DSCAML1: variants seen among roughly 807,000 people sequenced by gnomAD.
DSCAML1 encodes the protein DS cell adhesion molecule like 1.
Under a neutral mutation model 200.5 loss-of-function variants are expected in DSCAML1, and 38 were observed. The observed-to-expected ratio is 0.19, with a 90% CI of 0.15 to 0.25. The LOEUF (loss-of-function observed/expected upper bound fraction) is 0.25. DSCAML1 is among the 10% of genes least tolerant of loss of function. The probability of loss-of-function intolerance (pLI) is 1.00; values close to 1 mark genes in which losing one functional copy is unlikely to be tolerated. For missense variants in DSCAML1, 2,223 were observed against 2,858.8 expected (o/e 0.78, Z 5.07); for synonymous variants, 1,215 against 1,165.0 (o/e 1.04, Z -0.87).
rs2047950037 is a variant in DSCAML1 at position 117,437,753 on chromosome 11, C to CTGA, written c.4432+139_4432+141dup. 1 of 967,752 alleles carries CTGA rather than the reference C, an allele frequency of 1.0e-6. No individual in the cohort carries two copies. The highest frequency in any genetic ancestry group is 1.7e-5 in the South Asian group (1 of 57,370). 59.9% of individuals were successfully genotyped at this position (967,752 alleles called of 1,614,324 possible). A position where few individuals can be genotyped will look rare whatever the true frequency, so the allele number is the denominator to read the frequency against. On this transcript the variant is annotated intron_variant, in intron 25 of 32. Coordinates refer to ENST00000651296, the MANE Select transcript of DSCAML1 (RefSeq NM_020693.4). This position sits in a 1 kb window ranked among gnomAD's most constrained non-coding sequence, Gnocchi z 5.3. ...GGACACTGTGGTGACGGGAAGGAGGCTGAGGCTCCTCCCTTCAGTCTCCCT... is the reference window on the plus strand; with the variant it reads ...GGACACTGTGGTGACGGGAAGGAGGCTGATGAGGCTCCTCCCTTCAGTCTCCCT...
intron 11 of DSCAML1, among the ~76,000 whole-genome samples, chr11:117,493,561 A>G (rs1014964137): frequency 2.6e-5 from 4 of 151,840 alleles, no homozygotes; most frequent in Non-Finnish European, 4.4e-5. Flanking sequence ...TGATCTGCCC[A>G]CCTTGGCCTC....
At chr11:117,494,183 A>G (rs1032190953) in intron 11 of DSCAML1, among the ~76,000 whole-genome samples, 1 of 152,194 alleles carries the variant, frequency 6.6e-6, no homozygotes, top group Non-Finnish European at 1.5e-5. Flanking sequence ...GATCACTTGG[A>G]AGGTACTTCC....
intron 3 of DSCAML1, among the ~76,000 whole-genome samples, chr11:117,750,018 G>T (rs1165670159): frequency 1.3e-5 from 2 of 152,224 alleles, no homozygotes; most frequent in Non-Finnish European, 2.9e-5. Context: ...GTGATGAAAG[G>T]CACTGAGAAG....
intron 1 of DSCAML1, among the ~76,000 whole-genome samples, chr11:117,795,021 C>G (rs2055544589): frequency 6.6e-6 from 1 of 152,202 alleles, no homozygotes; most frequent in Admixed American, 6.5e-5. Context: ...GATTTTGCCC[C>G]TTGGCTGTCC....
chr11:117,510,344 CTG>C (rs1223888442), intron 8 of DSCAML1, among the ~76,000 whole-genome samples: 1 of 152,204 alleles, frequency 6.6e-6, no homozygotes, highest in Non-Finnish European at 1.5e-5. Flanking sequence ...ATTTAAGTGA[CTG>C]TGGGCAAGGC....
At chr11:117,474,947 G>A (rs2048760189) in intron 14 of DSCAML1, among the ~76,000 whole-genome samples, 1 of 151,828 alleles carries the variant, frequency 6.6e-6, no homozygotes, top group Admixed American at 6.6e-5. Flanking sequence ...AGTAGAGATG[G>A]GGTTTCACCG....
At chr11:117,578,145 G>C (rs2050980576) in intron 3 of DSCAML1, among the ~76,000 whole-genome samples, 1 of 142,758 alleles carries the variant, frequency 7.0e-6, no homozygotes, top group Non-Finnish European at 1.5e-5. Context: ...TGAGGCAGGA[G>C]AATTGCCTGA....
intron 3 of DSCAML1, among the ~76,000 whole-genome samples, chr11:117,587,260 C>A (rs965321967): frequency 6.6e-6 from 1 of 150,616 alleles, no homozygotes; most frequent in African/African-American, 2.4e-5. Context: ...CCAACCCCCC[C>A]CCACGATTTA....
Position 117,525,067 on chromosome 11 carries a change from G to A in DSCAML1, c.675C>T (p.Ile225=), listed in dbSNP as rs1565765347. ...RLSVTDPAES[I]PTILDGFHSQ... is the part of the protein sequence containing the mutation. ...AGTGGAAGCCATCCAGGATGGTGGG[G>A]ATCGACTCAGCAGGGTCTGGAAGGC... The change falls in exon 5 of 33, where the codon ATC becomes ATT. Residue 225 remains isoleucine (I), a synonymous_variant. Coordinates refer to ENST00000651296, the MANE Select transcript of DSCAML1 (RefSeq NM_020693.4). 6.4e-7 allele frequency: 1 copy of A among 1,570,520 alleles called. No homozygotes were observed. Among genetic ancestry groups the A allele is most frequent in the Non-Finnish European group, 8.6e-7 (1 of 1,161,166 alleles).
intron 20 of DSCAML1, among the ~76,000 whole-genome samples, chr11:117,448,437 C>T (rs1274255587): frequency 2.0e-5 from 3 of 152,146 alleles, no homozygotes; most frequent in African/African-American, 4.8e-5. Flanking sequence ...CCCCTGTCCT[C>T]GTGGGGGCCT....
Position 117,480,681 on chromosome 11 carries a change from C to A in DSCAML1, c.2657-110G>T. On this transcript the variant is annotated intron_variant, in intron 13 of 32. Coordinates refer to ENST00000651296, the MANE Select transcript of DSCAML1 (RefSeq NM_020693.4). This position sits in a 1 kb window ranked among gnomAD's most constrained non-coding sequence, Gnocchi z 4.1. The stretch of plus-strand genomic sequence containing the variant: ...CTGGGTCTAGCCAAGGACTCTGGCA[C>A]CCTAGGGTTTGAGCAGGGTGGGGGC... 2 of 1,338,738 alleles carry A rather than the reference C, an allele frequency of 1.5e-6. No homozygotes were observed. The highest frequency in any genetic ancestry group is 2.0e-6 in the Non-Finnish European group (2 of 978,500). 82.9% of individuals were successfully genotyped at this position (1,338,738 alleles called of 1,614,324 possible).
chr11:117,764,558 C>T (rs2054859066), intron 3 of DSCAML1, among the ~76,000 whole-genome samples: 1 of 152,314 alleles, frequency 6.6e-6, no homozygotes, highest in Non-Finnish European at 1.5e-5. Context: ...ACTAAAAATC[C>T]AATCAACGGA....
chr11:117,625,242 G>C (rs185782641), intron 3 of DSCAML1, among the ~76,000 whole-genome samples: 1 of 151,908 alleles, frequency 6.6e-6, no homozygotes, highest in Non-Finnish European at 1.5e-5. Context: ...TTTCAGGCCC[G>C]GGGAAAGTAC....
rs1008291727 is a variant in DSCAML1, at chr11:117,610,849, C to G, written c.512-78327G>C. On this transcript the variant is annotated intron_variant, in intron 3 of 32. Coordinates refer to ENST00000651296, the MANE Select transcript of DSCAML1 (RefSeq NM_020693.4). ...AAACCAAACCAAAACAACCCCCCCC[C>G]CCCACAATGTGTTCGTAGACTTCTT... 9.4e-5 allele frequency among the ~76,000 whole-genome samples: 14 copies of G among 148,598 alleles called. No homozygotes were observed. The East Asian group carries it at 1.6e-3, about 17-fold the overall frequency.
At chr11:117,704,229 T>TC in intron 3 of DSCAML1, among the ~76,000 whole-genome samples, 1 of 151,540 alleles carries the variant, frequency 6.6e-6, no homozygotes, top group South Asian at 2.1e-4. Context: ...ATAATAAAAA[T>TC]CCCCCTGCCA....
chr11:117,750,291 GT>G (rs1373341961), intron 3 of DSCAML1, among the ~76,000 whole-genome samples: 1 of 152,212 alleles, frequency 6.6e-6, no homozygotes, highest in Non-Finnish European at 1.5e-5. Context: ...GGATATGCAG[GT>G]AAAGATATCT....
At chr11:117,777,022 A>C in intron 2 of DSCAML1, 85 bp from the exon 3 acceptor site, 3 of 1,405,998 alleles carry the variant, frequency 2.1e-6, no homozygotes, top group Non-Finnish European at 3.0e-6. Flanking sequence ...AGTCAGCTCA[A>C]CTCCCTCTGC....
At chr11:117,742,102 A>G (rs2054432793) in intron 3 of DSCAML1, among the ~76,000 whole-genome samples, 1 of 152,192 alleles carries the variant, frequency 6.6e-6, no homozygotes, top group African/African-American at 2.4e-5. Flanking sequence ...CAGATGGCAC[A>G]TCATCTCATA....
intron 4 of DSCAML1, among the ~76,000 whole-genome samples, chr11:117,529,791 G>C (rs1345146395): frequency 6.6e-6 from 1 of 151,932 alleles, no homozygotes; most frequent in African/African-American, 2.4e-5. Flanking sequence ...TCCACCCTCA[G>C]CTCTGGGGAG....
Sources: allele counts gnomAD v4.1 joint callset (sites outside exome capture counted in the v4.1 genomes callset), GRCh38; gene constraint gnomAD v4.1.1; non-coding constraint Gnocchi (gnomAD v3.1); transcripts MANE v1.5; gene names NCBI Gene and HGNC (gene_info 2026-07-23, HGNC 2026-07-21).